Variants in SMAD7 observed in about 807,000 individuals in gnomAD.
SMAD7 encodes the protein MAD (mothers against decapentaplegic, Drosophila) homolog 7.
A neutral mutation model predicts 38.7 loss-of-function variants in SMAD7; 8 were observed. The ratio of observed to expected loss-of-function variants is 0.21; its 90% CI spans 0.12 to 0.37. SMAD7 has a LOEUF of 0.37. Ranked by LOEUF, SMAD7 falls within the 10% of genes least tolerant of loss-of-function variation. The pLI is 1.00. For missense variants in SMAD7, 477 were observed against 577.9 expected (o/e 0.83, Z 1.79); for synonymous variants, 327 against 265.1 (o/e 1.23, Z -2.27).
intron 1 of SMAD7, among the ~76,000 whole-genome samples, chr18:48,949,002 G>C (rs546779055): frequency 1.3e-5 from 2 of 152,242 alleles, no homozygotes; most frequent in African/African-American, 4.8e-5. Context: ...AGTAAAGGAA[G>C]GAATGGAGAA....
intron 3 of SMAD7, among the ~76,000 whole-genome samples, chr18:48,924,797 C>CA (rs974803169): frequency 4.6e-5 from 7 of 152,262 alleles, no homozygotes; most frequent in Middle Eastern, 6.8e-3. Context: ...TAAGCACACA[C>CA]AAAAAACAAG....
chr18:48,932,348 T>G (rs1296514058), intron 3 of SMAD7, among the ~76,000 whole-genome samples: 11 of 152,220 alleles, frequency 7.2e-5, no homozygotes, highest in Admixed American at 3.3e-4. Context: ...CGTCTTATTG[T>G]TTTTGTTCCT....
rs1294337194 is a variant in SMAD7 at position 48,950,304 on chromosome 18, C to G, written c.121G>C (p.Gly41Arg). The change falls in exon 1 of 4, where the codon GGG becomes CGG. Residue 41 changes from glycine to arginine, a missense_variant. Around this residue, in one of 2 missense-constraint regions of SMAD7, gnomAD observed 376 missense variants for 379.4 expected, o/e 0.99. Coordinates refer to ENST00000262158, the MANE Select transcript of SMAD7 (RefSeq NM_005904.4). Reference sequence around the variant, plus strand: ...CCATGCGCTCGGCTGTCCGTCGCCCCTTCTCCCCGCAGCTCGCCTCCTCCT... The same window carrying G: ...CCATGCGCTCGGCTGTCCGTCGCCCGTTCTCCCCGCAGCTCGCCTCCTCCT... ...GGGGGELRGE[G>R]ATDSRAHGAG... 6.5e-6 allele frequency: 10 copies of G among 1,533,514 alleles called. No individual in the cohort carries two copies. The highest frequency in any genetic ancestry group is 2.6e-6 in the Non-Finnish European group (3 of 1,140,884). The allele number at this position is 1,533,514 out of a possible 1,614,324, so 95.0% of individuals were successfully genotyped here.
intron 3 of SMAD7, among the ~76,000 whole-genome samples, chr18:48,926,612 C>T (rs1300170346): frequency 1.3e-5 from 2 of 152,248 alleles, no homozygotes; most frequent in Non-Finnish European, 2.9e-5. Flanking sequence ...CTCCTGCAGG[C>T]TCCCTGTGCC....
intron 3 of SMAD7, among the ~76,000 whole-genome samples, chr18:48,924,453 G>T (rs892090734): frequency 4.6e-5 from 7 of 152,346 alleles, no homozygotes; most frequent in South Asian, 2.1e-4. Context: ...AGGAAGCTGG[G>T]TGGGGACTGG....
intron 3 of SMAD7, 115 bp from the exon 4 acceptor site, chr18:48,922,025 A>T (rs577537913): frequency 2.5e-6 from 2 of 798,794 alleles, no homozygotes; most frequent in Non-Finnish European, 3.9e-6. Context: ...AGGACGAGAC[A>T]GAAAGAAGGA....
intron 2 of SMAD7, among the ~76,000 whole-genome samples, chr18:48,947,483 T>C (rs939959145): frequency 1.3e-5 from 2 of 152,148 alleles, no homozygotes; most frequent in Non-Finnish European, 2.9e-5. Flanking sequence ...AATAAAAATG[T>C]CCCAAGTATT....
chr18:48,942,825 C>A, intron 2 of SMAD7: 1 of 1,261,830 alleles, frequency 7.9e-7, no homozygotes, highest in Non-Finnish European at 1.0e-6. Flanking sequence ...ATTTCTCTTG[C>A]ATTACCAGTC....
rs1292906045 is a variant in SMAD7, at chr18:48,950,525, C to T, written c.-101G>A. On this transcript the variant is annotated 5_prime_UTR_variant, in exon 1 of 4. Coordinates refer to ENST00000262158, the MANE Select transcript of SMAD7 (RefSeq NM_005904.4). ...TCGGGCGCCGAGTTGGGGCAGCAGG[C>T]GCAGGCGACAGCAGCAGCAGCAGGG... 32 of 1,210,014 alleles carry T rather than the reference C, an allele frequency of 2.6e-5. No individual in the cohort carries two copies. Among genetic ancestry groups the T allele is most frequent in the Non-Finnish European group, 3.5e-5 (32 of 902,268 alleles). The allele number at this position is 1,210,014 out of a possible 1,614,324, so 75.0% of individuals were successfully genotyped here. A position where few individuals can be genotyped will look rare whatever the true frequency, so the allele number is the denominator to read the frequency against.
At chr18:48,931,386 T>C (rs2069998777) in intron 3 of SMAD7, among the ~76,000 whole-genome samples, 1 of 152,236 alleles carries the variant, frequency 6.6e-6, no homozygotes, top group Non-Finnish European at 1.5e-5. Context: ...CCCCCATAAC[T>C]AGTCCTCATA....
chr18:48,950,296 C>G lies in SMAD7; in HGVS notation c.129G>C (p.Thr43=). The G allele has an allele frequency of 6.5e-7, 1 of 1,531,826 alleles. No individual in the cohort carries two copies. The highest frequency in any genetic ancestry group is 8.8e-7 in the Non-Finnish European group (1 of 1,140,472). The allele number at this position is 1,531,826 out of a possible 1,614,324, so 94.9% of individuals were successfully genotyped here. A position where few individuals can be genotyped will look rare whatever the true frequency, so the allele number is the denominator to read the frequency against. The change falls in exon 1 of 4, where the codon ACG becomes ACC. Residue 43 remains threonine (T), a synonymous_variant. Transcript: ENST00000262158. ...CACCGGCCCCATGCGCTCGGCTGTC[C>G]GTCGCCCCTTCTCCCCGCAGCTCGC... is the stretch of plus-strand genomic sequence containing the variant. ...GGGELRGEGA[T]DSRAHGAGGG...
intron 3 of SMAD7, among the ~76,000 whole-genome samples, chr18:48,935,168 G>A (rs528344693): frequency 1.2e-4 from 19 of 152,316 alleles, no homozygotes; most frequent in African/African-American, 4.3e-4. Context: ...GAAACAGAGA[G>A]GCTGGGGGGC....
intron 2 of SMAD7, 113 bp downstream of exon 2, chr18:48,948,271 C>A: frequency 3.1e-6 from 2 of 640,110 alleles, no homozygotes; most frequent in South Asian, 2.3e-5. Flanking sequence ...AACCTAGAAC[C>A]AACGTGAAGC....
chr18:48,933,573 G>C (rs532532031), intron 3 of SMAD7: 1 of 152,634 alleles, frequency 6.6e-6, no homozygotes, highest in Non-Finnish European at 1.5e-5. Context: ...CCGGCAGAGG[G>C]AGGCACATGT....
intron 3 of SMAD7, among the ~76,000 whole-genome samples, chr18:48,938,919 TTC>T (rs1169642357): frequency 6.6e-6 from 1 of 152,072 alleles, no homozygotes; most frequent in East Asian, 1.9e-4. Context: ...TTGCATGCCT[TTC>T]AAAAGACACC....
At chr18:48,929,569 T>TCTCTCACACACACACACA (rs3082710) in intron 3 of SMAD7, among the ~76,000 whole-genome samples, 1,765 of 114,536 alleles carry the variant, frequency 0.015, 23 homozygotes, top group South Asian at 0.037. Flanking sequence ...TCTCTCTCTC[T>TCTCTCACACACACACACA]CACTCACACA....
intron 1 of SMAD7, 36 bp downstream of exon 1, chr18:48,949,776 C>T (rs1489756559): frequency 6.5e-7 from 1 of 1,543,128 alleles, no homozygotes; most frequent in East Asian, 2.4e-5. Context: ...CACTGGCGCT[C>T]CGGAAAATGT....
intron 3 of SMAD7, among the ~76,000 whole-genome samples, chr18:48,929,790 C>T (rs2069974762): frequency 6.6e-6 from 1 of 151,896 alleles, no homozygotes; most frequent in Admixed American, 6.6e-5. Context: ...CTACCAGGAC[C>T]CCTAGTCCTT....
chr18:48,931,964 C>A (rs577889047), intron 3 of SMAD7, among the ~76,000 whole-genome samples: 2 of 126,196 alleles, frequency 1.6e-5, no homozygotes, highest in Non-Finnish European at 3.2e-5. Flanking sequence ...ATCCTGGGCT[C>A]TTCCCCAGAA....
Sources: allele counts gnomAD v4.1 joint callset (sites outside exome capture counted in the v4.1 genomes callset), GRCh38; gene constraint gnomAD v4.1.1; regional missense constraint gnomAD v4.1.1; transcripts MANE v1.5; gene names NCBI Gene and HGNC (gene_info 2026-07-23, HGNC 2026-07-21).